ARHGEF4: variants seen among roughly 807,000 people sequenced by gnomAD.
ARHGEF4 encodes Rho guanine nucleotide exchange factor 4.
ARHGEF4 carries 119 observed loss-of-function variants against 162.0 expected under a neutral mutation model. The observed-to-expected ratio is 0.73, with a 90% CI of 0.63 to 0.86. The LOEUF (loss-of-function observed/expected upper bound fraction) is 0.86, where lower values mean the gene tolerates loss of function less well. Among genes scored for constraint, ARHGEF4 ranks in the 40% least tolerant of loss-of-function variants. The pLI is 0.00. For synonymous variants in ARHGEF4, 1,014 were observed against 979.9 expected, an observed-to-expected ratio of 1.03 and a Z score of -0.65; for missense variants, 2,488 against 2,456.0, an observed-to-expected ratio of 1.01 and a Z score of -0.28.
intron 1 of ARHGEF4, among the ~76,000 whole-genome samples, chr2:130,904,782 TA>T (rs34372352): frequency 5.2e-4 from 78 of 150,080 alleles, no homozygotes; most frequent in Non-Finnish European, 9.0e-4. Flanking sequence ...ATTTTCACTA[TA>T]AAAAAAAAAC....
chr2:130,934,803 C>CA (rs1682840326), intron 3 of ARHGEF4, among the ~76,000 whole-genome samples: 1 of 152,214 alleles, frequency 6.6e-6, no homozygotes, highest in Non-Finnish European at 1.5e-5. Flanking sequence ...CTCAGCCTCC[C>CA]AAAGTGCTGG....
rs57947088 is a variant in ARHGEF4, at chr2:130,914,719, C to T, written c.773C>T (p.Pro258Leu). 3.3e-4 allele frequency: 466 copies of T among 1,410,280 alleles called. 6 individuals carry two copies. The East Asian group carries it at 9.2e-3, about 28-fold the overall frequency. 87.4% of individuals were successfully genotyped at this position (1,410,280 alleles called of 1,614,324 possible). Reference sequence around the variant, plus strand: ...GCACTGGTGCTACCTAGCAGAGGCCCACTGGACAACACAGCCCCTCTGGGG... The same window carrying T: ...GCACTGGTGCTACCTAGCAGAGGCCTACTGGACAACACAGCCCCTCTGGGG... ...ARALVLPSRG[P>L]LDNTAPLGTR... Residue 258 changes from proline to leucine, a missense_variant, in exon 2 of 14, where the codon CCA becomes CTA. By Grantham distance (98) the Pro-to-Leu change is moderately conservative (BLOSUM62 -3). Coordinates refer to ENST00000409359, the MANE Select transcript of ARHGEF4 (RefSeq NM_001367493.1).
At chr2:131,007,183 TG>T (rs1351093988) in intron 4 of ARHGEF4, among the ~76,000 whole-genome samples, 2 of 152,206 alleles carry the variant, frequency 1.3e-5, no homozygotes, top group Non-Finnish European at 2.9e-5. Flanking sequence ...TCACTCTAGA[TG>T]GTGGGCACCA....
chr2:130,964,868 G>A (rs1165567469), intron 4 of ARHGEF4, among the ~76,000 whole-genome samples: 1 of 152,200 alleles, frequency 6.6e-6, no homozygotes, highest in East Asian at 1.9e-4. Context: ...TCTACCTGGA[G>A]GGCCTAATTT....
chr2:130,993,190 T>TAAA (rs1687160357), intron 4 of ARHGEF4, among the ~76,000 whole-genome samples: 1 of 152,252 alleles, frequency 6.6e-6, no homozygotes. Context: ...AACAGTTTTT[T>TAAA]AATCATTTTA....
At position 131,045,588 on chromosome 2, in the gene ARHGEF4, A is replaced by G. The variant is rs780508588; in HGVS notation, c.5479+142A>G. ...TGCCCTTTGCAGCTGTTTGTTCCCAAAGGTTGGTAATAAGGGGCCACTGGG... is the reference window on the plus strand; with the variant it reads ...TGCCCTTTGCAGCTGTTTGTTCCCAGAGGTTGGTAATAAGGGGCCACTGGG... On this transcript the variant is annotated intron_variant, in intron 13 of 13. Transcript: ENST00000409359. The G allele has an allele frequency of 5.7e-6, 9 of 1,591,728 alleles. No homozygotes were observed. In the African/African-American group the frequency reaches 1.1e-4, roughly 19 times the overall value.
intron 1 of ARHGEF4, among the ~76,000 whole-genome samples, chr2:130,875,374 A>G (rs972683911): frequency 3.3e-5 from 5 of 152,190 alleles, no homozygotes; most frequent in Admixed American, 1.3e-4. Flanking sequence ...AATACCTGAG[A>G]CTGGGTAATC....
intron 4 of ARHGEF4, among the ~76,000 whole-genome samples, chr2:130,996,109 C>T (rs570796781): frequency 2.6e-4 from 39 of 152,138 alleles, no homozygotes; most frequent in Non-Finnish European, 4.1e-4. Flanking sequence ...AGGCTGGTCT[C>T]GAACCCCTGA....
At chr2:131,030,122 G>T (rs1689747287) in intron 5 of ARHGEF4, among the ~76,000 whole-genome samples, 1 of 152,250 alleles carries the variant, frequency 6.6e-6, no homozygotes, top group Non-Finnish European at 1.5e-5. Context: ...CTCCGGAGAG[G>T]TGGGGGTTCC....
chr2:130,892,426 C>T (rs1473640343), intron 1 of ARHGEF4, among the ~76,000 whole-genome samples: 1 of 152,178 alleles, frequency 6.6e-6, no homozygotes, highest in Non-Finnish European at 1.5e-5. Context: ...CACTTCAGAC[C>T]CAATCACAAG....
At chr2:130,840,154 CACACACAGGCATACACACTTGGG>C (rs1195017555) in intron 1 of ARHGEF4, among the ~76,000 whole-genome samples, 1 of 152,232 alleles carries the variant, frequency 6.6e-6, no homozygotes, top group Non-Finnish European at 1.5e-5. Flanking sequence ...TGGGCACACA[CACACACAGGCATACACACTTGGG>C]ACACACAGGC....
intron 4 of ARHGEF4, among the ~76,000 whole-genome samples, chr2:130,973,516 A>G (rs967501149): frequency 3.0e-4 from 46 of 152,110 alleles, no homozygotes; most frequent in African/African-American, 1.1e-3. Context: ...AATAAAATAA[A>G]TGAAATTATG....
At chr2:130,986,272 G>C (rs763776193) in intron 4 of ARHGEF4, among the ~76,000 whole-genome samples, 38 of 152,204 alleles carry the variant, frequency 2.5e-4, no homozygotes, top group Non-Finnish European at 5.1e-4. Context: ...TGTGGGCTCT[G>C]GCTGGAATGG....
intron 1 of ARHGEF4, among the ~76,000 whole-genome samples, chr2:130,883,908 G>A (rs1353649482): frequency 6.6e-6 from 1 of 152,062 alleles, no homozygotes; most frequent in Non-Finnish European, 1.5e-5. Context: ...ATAAAATATG[G>A]AATAATAGGT....
At chr2:131,043,690 CG>C in intron 11 of ARHGEF4, 107 bp downstream of exon 11, 2 of 1,534,290 alleles carry the variant, frequency 1.3e-6, no homozygotes, top group South Asian at 1.2e-5. Context: ...AGACCATACC[CG>C]GGGAGCCTGG....
intron 4 of ARHGEF4, among the ~76,000 whole-genome samples, chr2:131,020,178 C>A (rs1017015542): frequency 6.6e-6 from 1 of 152,040 alleles, no homozygotes; most frequent in Non-Finnish European, 1.5e-5. Flanking sequence ...GTCCTTTATT[C>A]TTTTTCTTTA....
chr2:130,850,176 G>A (rs1681301022), intron 1 of ARHGEF4, among the ~76,000 whole-genome samples: 1 of 152,200 alleles, frequency 6.6e-6, no homozygotes, highest in Admixed American at 6.5e-5. Context: ...ACTCACAGGA[G>A]CAGTTGGGCC....
chr2:130,926,124 C>T (rs4502426), intron 2 of ARHGEF4, among the ~76,000 whole-genome samples: 86,784 of 149,848 alleles, frequency 0.58, 29,390 homozygotes, highest in East Asian at 0.84. Flanking sequence ...CTGTCTCTTC[C>T]ATCTACAAGT....
Position 130,864,334 on chromosome 2 carries a change from TCAG to T in ARHGEF4, c.39+27346_39+27348del, listed in dbSNP as rs529072813. Reference sequence around the variant, plus strand: ...TTCCATTTATAGGAAATACCCAGGATCAGCAGGTCTATAGAGATAGAAAGTCAA... The same window carrying T: ...TTCCATTTATAGGAAATACCCAGGATCAGGTCTATAGAGATAGAAAGTCAA... On this transcript the variant is annotated intron_variant, in intron 1 of 13. Transcript: ENST00000409359. 3.0e-3 allele frequency among the ~76,000 whole-genome samples: 456 copies of T among 152,212 alleles called. 3 individuals carry two copies. The highest frequency in any genetic ancestry group is 0.011 in the African/African-American group (438 of 41,526).
Sources: gnomAD v4.1 joint callset for allele counts (sites outside exome capture counted in the v4.1 genomes callset) on GRCh38, gnomAD v4.1.1 for gene constraint, MANE v1.5 for transcripts, NCBI Gene and HGNC (gene_info 2026-07-23, HGNC 2026-07-21) for gene names.